PFKM: variants seen among roughly 807,000 people sequenced by gnomAD.
PFKM encodes ATP-dependent 6-phosphofructokinase, muscle type.
PFKM carries 58 observed loss-of-function variants against 95.5 expected under a neutral mutation model. The observed-to-expected ratio is 0.61, with a 90% CI of 0.49 to 0.76. The LOEUF (loss-of-function observed/expected upper bound fraction) is 0.76. PFKM is among the 30% of genes least tolerant of loss of function. PFKM has a pLI of 0.00. For synonymous variants in PFKM, 336 were observed against 357.2 expected (o/e 0.94, Z 0.67); for missense variants, 678 against 1,005.4 (o/e 0.67, Z 4.40).
chr12:48,127,653 C>T (rs1428020151), intron 2 of PFKM, among the ~76,000 whole-genome samples: 2 of 152,170 alleles, frequency 1.3e-5, no homozygotes, highest in African/African-American at 4.8e-5. Context: ...GCCAGGTAGC[C>T]TCCTAACCCT....
At chr12:48,129,590 C>A (rs755270411) in intron 2 of PFKM, among the ~76,000 whole-genome samples, 1 of 152,144 alleles carries the variant, frequency 6.6e-6, no homozygotes, top group Non-Finnish European at 1.5e-5. Flanking sequence ...TAGTAAATCA[C>A]AACTGTGTGG....
intron 4 of PFKM, chr12:48,131,746 G>T (rs760319912): frequency 3.2e-5 from 12 of 372,458 alleles, no homozygotes; most frequent in Non-Finnish European, 5.7e-5. Context: ...CAGAAGTGGA[G>T]CTGAAATCTG....
At chr12:48,124,582 T>C (rs189292522) in intron 2 of PFKM, among the ~76,000 whole-genome samples, 4 of 152,338 alleles carry the variant, frequency 2.6e-5, no homozygotes, top group Non-Finnish European at 5.9e-5. Context: ...CTTCTGATCC[T>C]GAGCAGTGAG....
chr12:48,120,755 A>G (rs1183242172), intron 1 of PFKM, among the ~76,000 whole-genome samples: 2 of 152,250 alleles, frequency 1.3e-5, no homozygotes, highest in South Asian at 2.1e-4. Flanking sequence ...GCTTACTGCC[A>G]TACAAAAATG....
In PFKM at chr12:48,125,662, G is replaced by A. The variant is rs542866036; in HGVS notation, c.85+2803G>A. ...AAAAGATGGGAAGGGATCTTTTTAT[G>A]TTGCCCAGGCTGGTCTTGAACTCCT... On this transcript the variant is annotated intron_variant, in intron 2 of 22. Coordinates refer to ENST00000359794, the MANE Select transcript of PFKM (RefSeq NM_000289.6). 22 of 164,008 alleles carry A rather than the reference G, an allele frequency of 1.3e-4. No homozygotes were observed. In the South Asian group the frequency reaches 2.9e-3, roughly 21 times the overall value. 10.2% of individuals were successfully genotyped at this position (164,008 alleles called of 1,614,324 possible). A position where few individuals can be genotyped will look rare whatever the true frequency, so the allele number is the denominator to read the frequency against.
intron 3 of PFKM, among the ~76,000 whole-genome samples, chr12:48,109,359 T>C (rs966610755): frequency 2.7e-5 from 4 of 148,772 alleles, no homozygotes; most frequent in Non-Finnish European, 6.0e-5. Flanking sequence ...CCTTCCTTTC[T>C]TTTTCTTTTC....
At chr12:48,143,290 A>T (rs1314117125) in intron 18 of PFKM, among the ~76,000 whole-genome samples, 1 of 152,236 alleles carries the variant, frequency 6.6e-6, no homozygotes, top group Non-Finnish European at 1.5e-5. Context: ...CTCCTAAGTG[A>T]GCAGATGGTT....
intron 6 of PFKM, among the ~76,000 whole-genome samples, chr12:48,133,844 C>A (rs1417014062): frequency 6.6e-6 from 1 of 152,140 alleles, no homozygotes; most frequent in African/African-American, 2.4e-5. Context: ...ACCACGACAG[C>A]TCAGAGATAA....
chr12:48,144,936 TG>T, intron 20 of PFKM, 94 bp from the exon 21 acceptor site: 1 of 900,320 alleles, frequency 1.1e-6, no homozygotes, highest in Non-Finnish European at 1.8e-6. Context: ...GCTGTAAGCC[TG>T]GGGCCCATCT....
At chr12:48,136,190 C>T (rs1950074812) in intron 10 of PFKM, among the ~76,000 whole-genome samples, 4 of 152,142 alleles carry the variant, frequency 2.6e-5, no homozygotes, top group Non-Finnish European at 5.9e-5. Flanking sequence ...CCTGGCCCTC[C>T]CTCCTCATTC....
chr12:48,136,849 G>C (rs76025392), intron 10 of PFKM, among the ~76,000 whole-genome samples: 1 of 151,660 alleles, frequency 6.6e-6, no homozygotes, highest in African/African-American at 2.4e-5. Context: ...TGCCCCCTGG[G>C]TTCAAGGGAT....
intron 9 of PFKM, 110 bp downstream of exon 9, chr12:48,135,148 T>C: frequency 9.0e-7 from 1 of 1,105,518 alleles, no homozygotes; most frequent in Non-Finnish European, 1.4e-6. Flanking sequence ...CATCTCTCCC[T>C]GGTTCCCTGC....
chr12:48,140,894 TAGG>T lies in PFKM; in HGVS notation c.1341+26_1341+28del, dbSNP rs747639167. ...CAGGTATGGGGACTATTCTGGGACCTAGGAGCAGTCATGGGGAAGATAAGTGTA... is the reference window on the plus strand; with the variant it reads ...CAGGTATGGGGACTATTCTGGGACCTAGCAGTCATGGGGAAGATAAGTGTA... On this transcript the variant is annotated intron_variant, in intron 14 of 22. Transcript: ENST00000359794. The T allele has an allele frequency of 7.4e-6, 12 of 1,613,478 alleles. No homozygotes were observed. In the East Asian group the frequency reaches 2.5e-4, roughly 33 times the overall value.
At chr12:48,112,210 C>G (rs1311282057) in intron 3 of PFKM, among the ~76,000 whole-genome samples, 1 of 140,568 alleles carries the variant, frequency 7.1e-6, no homozygotes, top group African/African-American at 2.6e-5. Flanking sequence ...AAAGGAGCGG[C>G]GAAAGGATTT....
chr12:48,129,498 C>T (rs547955580), intron 2 of PFKM, among the ~76,000 whole-genome samples: 1 of 152,216 alleles, frequency 6.6e-6, no homozygotes, highest in East Asian at 1.9e-4. Context: ...GAGGAAATGC[C>T]AGGAGAACGC....
chr12:48,108,382 G>C (rs1946896272), intron 3 of PFKM, among the ~76,000 whole-genome samples: 1 of 152,032 alleles, frequency 6.6e-6, no homozygotes, highest in Non-Finnish European at 1.5e-5. Flanking sequence ...GGGATGGGGA[G>C]GGAAAGGAAG....
intron 3 of PFKM, 65 bp downstream of exon 3, chr12:48,130,501 C>T: frequency 1.7e-6 from 2 of 1,210,306 alleles, no homozygotes; most frequent in East Asian, 2.3e-5. Context: ...CCTTCTATCC[C>T]CTTCCCACAT....
upstream of PFKM, chr12:48,105,828 G>GGCGGCCACAGC (rs542642635): frequency 1.7e-6 from 1 of 596,082 alleles, no homozygotes; most frequent in East Asian, 2.8e-5. Flanking sequence ...AACGGCCACC[G>GGCGGCCACAGC]GCGGCCACAG....
intron 2 of PFKM, chr12:48,107,952 C>A: frequency 1.0e-6 from 1 of 958,384 alleles, no homozygotes; most frequent in African/African-American, 1.6e-5. Context: ...TAATTTTTCA[C>A]TGGATTTTTG....
Sources: gnomAD v4.1 joint callset for allele counts (sites outside exome capture counted in the v4.1 genomes callset) on GRCh38, gnomAD v4.1.1 for gene constraint, MANE v1.5 for transcripts, NCBI Gene and HGNC (gene_info 2026-07-23, HGNC 2026-07-21) for gene names.